The following CD86 variants were observed in gnomAD, a reference collection of about 807,000 sequenced individuals.
The protein encoded by CD86 is CD86 molecule.
A neutral mutation model predicts 32.1 loss-of-function variants in CD86; 11 were observed. The ratio of observed to expected loss-of-function variants is 0.34; its 90% confidence interval spans 0.22 to 0.57. The LOEUF (loss-of-function observed/expected upper bound fraction) is 0.57. Ranked by LOEUF, CD86 falls within the 20% of genes least tolerant of loss-of-function variation. The probability of loss-of-function intolerance (pLI) is 0.86; values close to 1 mark genes in which losing one functional copy is unlikely to be tolerated. For missense variants in CD86, 359 were observed against 398.4 expected, an observed-to-expected ratio of 0.90 and a Z score of 0.84; for synonymous variants, 137 against 135.3, an observed-to-expected ratio of 1.01 and a Z score of -0.09.
chr3:122,107,830 C>T (rs2073115845), intron 4 of CD86, among the ~76,000 whole-genome samples: 1 of 152,232 alleles, frequency 6.6e-6, no homozygotes, highest in South Asian at 2.1e-4. Context: ...TACAACTGGG[C>T]CAATCTCATC....
chr3:122,072,448 T>C (rs2072501645), intron 1 of CD86, among the ~76,000 whole-genome samples: 1 of 152,208 alleles, frequency 6.6e-6, no homozygotes. Flanking sequence ...GGTATCTCAT[T>C]GTGGTTTTGA....
At chr3:122,081,782 G>T (rs1046584279) in intron 1 of CD86, among the ~76,000 whole-genome samples, 23 of 152,158 alleles carry the variant, frequency 1.5e-4, no homozygotes, top group African/African-American at 5.6e-4. Flanking sequence ...GCAGGGTACA[G>T]TTCTGAGACC....
chr3:122,097,941 G>A (rs1265869250), intron 2 of CD86, among the ~76,000 whole-genome samples: 2 of 152,174 alleles, frequency 1.3e-5, no homozygotes, highest in Non-Finnish European at 2.9e-5. Flanking sequence ...GGCTAAGATT[G>A]CAAGTATGTG....
At chr3:122,073,480 T>C (rs1448160503) in intron 1 of CD86, among the ~76,000 whole-genome samples, 1 of 152,190 alleles carries the variant, frequency 6.6e-6, no homozygotes, top group Non-Finnish European at 1.5e-5. Flanking sequence ...GTCTTTTTAT[T>C]CATATAATGG....
intron 5 of CD86, among the ~76,000 whole-genome samples, chr3:122,109,677 T>G (rs1430805207): frequency 2.0e-5 from 3 of 152,200 alleles, no homozygotes; most frequent in African/African-American, 7.2e-5. Flanking sequence ...ATTACTTGCT[T>G]TATCTACCTC....
intron 1 of CD86, among the ~76,000 whole-genome samples, chr3:122,085,413 G>A (rs905126153): frequency 6.6e-6 from 1 of 152,210 alleles, no homozygotes; most frequent in Admixed American, 6.5e-5. Context: ...CTGAGCTGCT[G>A]TTCATTCTGC....
intron 5 of CD86, among the ~76,000 whole-genome samples, chr3:122,112,706 G>T (rs1277521387): frequency 6.6e-6 from 1 of 152,040 alleles, no homozygotes; most frequent in Non-Finnish European, 1.5e-5. Flanking sequence ...TCATTTTTTT[G>T]ACAGTGGCTT....
intron 1 of CD86, among the ~76,000 whole-genome samples, chr3:122,072,469 T>C (rs1033884998): frequency 1.7e-4 from 26 of 152,262 alleles, no homozygotes; most frequent in Non-Finnish European, 3.7e-4. Flanking sequence ...TTTGCATTTG[T>C]CTGATGGCCA....
At chr3:122,117,386 C>G (rs2073271111) in intron 5 of CD86, among the ~76,000 whole-genome samples, 1 of 152,222 alleles carries the variant, frequency 6.6e-6, no homozygotes, top group Admixed American at 6.5e-5. Flanking sequence ...ACAAAACCAT[C>G]AGAGGTATTG....
intron 1 of CD86, among the ~76,000 whole-genome samples, chr3:122,080,154 T>C (rs1439525710): frequency 6.6e-6 from 1 of 152,158 alleles, no homozygotes; most frequent in Non-Finnish European, 1.5e-5. Context: ...TCAGGCTACC[T>C]TAGGGGACCA....
intron 1 of CD86, among the ~76,000 whole-genome samples, chr3:122,084,405 G>C (rs1031374441): frequency 6.6e-6 from 1 of 152,204 alleles, no homozygotes; most frequent in African/African-American, 2.4e-5. Context: ...CATCATAGCT[G>C]TTCAACTCTT....
chr3:122,104,870 G>A (rs1332350915), intron 3 of CD86, among the ~76,000 whole-genome samples: 1 of 152,160 alleles, frequency 6.6e-6, no homozygotes, highest in Non-Finnish European at 1.5e-5. Flanking sequence ...TTATGAATAA[G>A]GCTGCTGTAA....
chr3:122,096,878 G>GTTCTTA (rs2072916758), intron 2 of CD86, among the ~76,000 whole-genome samples: 1 of 152,184 alleles, frequency 6.6e-6, no homozygotes, highest in African/African-American at 2.4e-5. Context: ...TATTTCCAGT[G>GTTCTTA]TATTGTTCTT....
At chr3:122,067,523 C>A (rs2107504189) in intron 1 of CD86, among the ~76,000 whole-genome samples, 1 of 152,332 alleles carries the variant, frequency 6.6e-6, no homozygotes, top group South Asian at 2.1e-4. Flanking sequence ...CACAGAAAAT[C>A]TCTTTTAAAA....
rs948642495 is a variant in CD86 at position 122,109,523 on chromosome 3, G to T, written c.847+115G>T. The T allele has an allele frequency of 4.9e-6, 6 of 1,232,370 alleles. No homozygotes were observed. In the Admixed American group the frequency reaches 8.1e-5, roughly 17 times the overall value. The allele number at this position is 1,232,370 out of a possible 1,614,324, so 76.3% of individuals were successfully genotyped here. On this transcript the variant is annotated intron_variant, in intron 5 of 6. Coordinates refer to ENST00000330540, the MANE Select transcript of CD86 (RefSeq NM_175862.5). ...TAGACTGGCAAAAAGTCAGGAAGTT[G>T]TTGGGAAAAAAGGTTTTCCCTTGGA...
chr3:122,062,549 CAG>C (rs1166982458), intron 1 of CD86, among the ~76,000 whole-genome samples: 3 of 152,124 alleles, frequency 2.0e-5, no homozygotes, highest in East Asian at 1.9e-4. Context: ...TTTTTTATAA[CAG>C]GGTGTGACGT....
At chr3:122,109,129 C>T (rs2073134959) in intron 4 of CD86, 136 bp from the exon 5 acceptor site, 3 of 833,022 alleles carry the variant, frequency 3.6e-6, no homozygotes, top group Admixed American at 3.0e-5. Context: ...TCTATGGCCT[C>T]CTATTGTGGA....
intron 5 of CD86, among the ~76,000 whole-genome samples, chr3:122,115,908 A>G (rs1296527105): frequency 6.6e-6 from 1 of 152,140 alleles, no homozygotes; most frequent in African/African-American, 2.4e-5. Context: ...CTGTTGACAA[A>G]GCTACCAAGG....
chr3:122,086,145 C>A (rs1369227061), intron 1 of CD86, among the ~76,000 whole-genome samples: 2 of 152,180 alleles, frequency 1.3e-5, no homozygotes, highest in African/African-American at 2.4e-5. Context: ...GTCTTTACAA[C>A]CCCTCAATCT....
Sources: allele counts gnomAD v4.1 joint callset (sites outside exome capture counted in the v4.1 genomes callset), GRCh38; gene constraint gnomAD v4.1.1; transcripts MANE v1.5; gene names NCBI Gene and HGNC (gene_info 2026-07-23, HGNC 2026-07-21).